Variants in DDB1 observed in about 807,000 individuals in gnomAD.
DDB1 encodes the protein damage specific DNA binding protein 1.
Under a neutral mutation model 133.1 loss-of-function variants are expected in DDB1, and 18 were observed. The ratio of observed to expected loss-of-function variants is 0.14; its 90% CI spans 0.09 to 0.20. The LOEUF (loss-of-function observed/expected upper bound fraction) is 0.20. Ranked by LOEUF, DDB1 falls within the 10% of genes least tolerant of loss-of-function variation. The probability of loss-of-function intolerance (pLI) is 1.00; values close to 1 mark genes in which losing one functional copy is unlikely to be tolerated. For synonymous variants in DDB1, 580 were observed against 550.5 expected, an observed-to-expected ratio of 1.05 and a Z score of -0.75; for missense variants, 828 against 1,459.2, an observed-to-expected ratio of 0.57 and a Z score of 7.05.
chr11:61,324,513 C>G (rs534176782), intron 6 of DDB1: 2 of 189,294 alleles, frequency 1.1e-5, no homozygotes, highest in South Asian at 2.0e-4. Flanking sequence ...TGTGGCAATG[C>G]TACCACAGAT....
chr11:61,314,354 C>A lies in DDB1; in HGVS notation c.1543G>T (p.Ala515Ser). The change falls in exon 13 of 27, where the codon GCC becomes TCC. Residue 515 changes from alanine (A) to serine (S), a missense_variant. Ala to Ser is a moderately conservative substitution (Grantham distance 99). Coordinates refer to ENST00000301764, the MANE Select transcript of DDB1 (RefSeq NM_001923.5). The part of the protein sequence containing the change: ...SSQVVVAVGR[A>S]LYYLQIHPQE... ...GGATGGATCTGCAGATAGTAGAGGG[C>A]CCTGCCTACAGCCACCACCACCTGG... 6.2e-7 allele frequency: 1 copy of A among 1,614,100 alleles called. No homozygotes were observed.
intron 26 of DDB1, 111 bp from the exon 27 acceptor site, chr11:61,300,330 A>G (rs934142183): frequency 3.5e-5 from 40 of 1,154,758 alleles, no homozygotes; most frequent in Non-Finnish European, 4.8e-5. Context: ...TTGTCATGGC[A>G]GAGGAAGGAC....
In DDB1 at chr11:61,329,698, T is replaced by C. The variant is rs999887874; in HGVS notation, c.328-114A>G. 11 of 980,054 alleles carry C rather than the reference T, an allele frequency of 1.1e-5. No individual in the cohort carries two copies. The African/African-American group carries it at 1.8e-4, about 16-fold the overall frequency. 60.7% of individuals were successfully genotyped at this position (980,054 alleles called of 1,614,324 possible). On this transcript the variant is annotated intron_variant, in intron 3 of 26. Transcript: ENST00000301764. ...GGAGAGGTATTAAAACTAATGGATC[T>C]ATTTGATAGGCCAAATAGTTGGAGC...
intron 21 of DDB1, among the ~76,000 whole-genome samples, chr11:61,308,513 T>C (rs548729156): frequency 6.6e-6 from 1 of 152,310 alleles, no homozygotes; most frequent in South Asian, 2.1e-4. Flanking sequence ...TTTGCTGCTA[T>C]CTCCCTACTC....
At chr11:61,311,756 GTCA>G in intron 18 of DDB1, 25 bp downstream of exon 18, 1 of 1,593,900 alleles carries the variant, frequency 6.3e-7, no homozygotes, top group Non-Finnish European at 8.5e-7. Context: ...CTGCTCTAAG[GTCA>G]TCTTTCTTTG....
intron 10 of DDB1, among the ~76,000 whole-genome samples, chr11:61,317,391 C>T (rs1370893424): frequency 6.6e-6 from 1 of 151,778 alleles, no homozygotes; most frequent in African/African-American, 2.4e-5. Context: ...GGATTACAGG[C>T]GTGAGCCACC....
At chr11:61,319,967 T>A (rs1349325427) in intron 10 of DDB1, among the ~76,000 whole-genome samples, 1 of 152,140 alleles carries the variant, frequency 6.6e-6, no homozygotes, top group Non-Finnish European at 1.5e-5. Flanking sequence ...CACAATTTTG[T>A]TAAATGTACT....
intron 23 of DDB1, 44 bp downstream of exon 23, chr11:61,303,002 A>C (rs1590678138): frequency 5.1e-6 from 8 of 1,562,372 alleles, no homozygotes; most frequent in Non-Finnish European, 7.1e-6. Context: ...AGACCAAGGA[A>C]CTCCCAGCCC....
intron 24 of DDB1, 43 bp downstream of exon 24, chr11:61,302,539 A>G: frequency 3.1e-6 from 5 of 1,610,446 alleles, no homozygotes; most frequent in Non-Finnish European, 4.2e-6. Context: ...TGGTATCAGG[A>G]AGGAGGCCTG....
At chr11:61,317,185 C>T (rs78635899) in intron 10 of DDB1, among the ~76,000 whole-genome samples, 14 of 151,932 alleles carry the variant, frequency 9.2e-5, no homozygotes, top group African/African-American at 2.9e-4. Flanking sequence ...CCGATCTCAG[C>T]TCACTGCAAG....
At chr11:61,322,812 T>C (rs980578131) in intron 8 of DDB1, 199 bp downstream of exon 8, 2 of 588,692 alleles carry the variant, frequency 3.4e-6, no homozygotes, top group South Asian at 2.2e-5. Flanking sequence ...ACCTAGCACC[T>C]TGCCTGGCAA....
chr11:61,303,429 CTG>C (rs1855831601), intron 22 of DDB1: 1 of 369,698 alleles, frequency 2.7e-6, no homozygotes, highest in Non-Finnish European at 5.0e-6. Context: ...TGGCTCACGC[CTG>C]TAATCCCAGC....
In DDB1 at chr11:61,300,854, C is replaced by G. The variant is rs767780681; in HGVS notation, c.3294G>C (p.Leu1098=). The change falls in exon 26 of 27, where the codon CTG becomes CTC. Residue 1098 remains leucine, a synonymous_variant. Transcript: ENST00000301764. ...CCTGCATCTTGGGGCGGCTAATATCCAGGAAACTCTCAATCAAGTCACCGT... is the reference window on the plus strand; with the variant it reads ...CCTGCATCTTGGGGCGGCTAATATCGAGGAAACTCTCAATCAAGTCACCGT... ...FIDGDLIESF[L]DISRPKMQEV... 6.2e-7 allele frequency: 1 copy of G among 1,614,174 alleles called. No homozygotes were observed. The highest frequency in any genetic ancestry group is 8.5e-7 in the Non-Finnish European group (1 of 1,180,040).
At chr11:61,331,496 C>A (rs766476927) in intron 2 of DDB1, 47 bp downstream of exon 2, 1 of 1,595,458 alleles carries the variant, frequency 6.3e-7, no homozygotes, top group East Asian at 2.2e-5. Context: ...AAACAACCTA[C>A]GACCAACAGT....
In DDB1 at chr11:61,300,796, CCA is replaced by C; in HGVS notation, c.3339+11_3339+12del. ...GACTTGTCTGGCCCAGGGTTAAACA[CCA>C]CACAGCTCACCTGTAGGTTTGCCAC... On this transcript the variant is annotated intron_variant, in intron 26 of 26. Coordinates refer to ENST00000301764, the MANE Select transcript of DDB1 (RefSeq NM_001923.5). 6.2e-7 allele frequency: 1 copy of C among 1,614,090 alleles called. No homozygotes were observed. The highest frequency in any genetic ancestry group is 1.7e-5 in the Admixed American group (1 of 60,024).
At position 61,332,901 on chromosome 11, in the gene DDB1, G is replaced by T; in HGVS notation, c.61+7C>A. 2.0e-6 allele frequency: 3 copies of T among 1,488,030 alleles called. No homozygotes were observed. The highest frequency in any genetic ancestry group is 2.7e-6 in the Non-Finnish European group (3 of 1,109,908). 92.2% of individuals were successfully genotyped at this position (1,488,030 alleles called of 1,614,324 possible). On this transcript the variant is annotated splice_region_variant and intron_variant, in intron 1 of 26. Transcript: ENST00000301764. ...CTCGCCGGGGTCTCCGGCCCCGGCA[G>T]CCTCACCGGTCACGCAGCCGTTCAC...
At chr11:61,323,181 A>G in intron 7 of DDB1, 87 bp from the exon 8 acceptor site, 1 of 1,051,426 alleles carries the variant, frequency 9.5e-7, no homozygotes, top group South Asian at 1.3e-5. Context: ...ATCTGCTGAG[A>G]AAACTCCCAA....
chr11:61,313,557 C>T lies in DDB1; in HGVS notation c.2011G>A (p.Val671Ile). The stretch of plus-strand genomic sequence containing the variant: ...ATGTAGTTCACTTCCTTGAGGTTGA[C>T]ATTTGAGAAGACCAATTTGTGGTTG... ...SSNHKLVFSN[V>I]NLKEVNYMCP... Residue 671 changes from valine to isoleucine, a missense_variant, in exon 16 of 27, where the codon GTC becomes ATC. Physicochemically the swap from Val to Ile is conservative, Grantham distance 29 (BLOSUM62 3). This residue lies in a region of DDB1 where 396 missense variants were observed against 554.1 expected (regional missense o/e 0.71). Coordinates refer to ENST00000301764, the MANE Select transcript of DDB1 (RefSeq NM_001923.5). 6.2e-7 allele frequency: 1 copy of T among 1,614,160 alleles called. No individual in the cohort carries two copies. Among genetic ancestry groups the T allele is most frequent in the Non-Finnish European group, 8.5e-7 (1 of 1,180,028 alleles).
intron 6 of DDB1, chr11:61,324,378 T>C (rs1363121884): frequency 4.5e-6 from 2 of 441,552 alleles, no homozygotes; most frequent in African/African-American, 2.0e-5. Flanking sequence ...TTTACTGATA[T>C]GTCGTCATTC....
Sources: gnomAD v4.1 joint callset for allele counts (sites outside exome capture counted in the v4.1 genomes callset) on GRCh38, gnomAD v4.1.1 for gene constraint, gnomAD v4.1.1 regional missense constraint, MANE v1.5 for transcripts, NCBI Gene and HGNC (gene_info 2026-07-23, HGNC 2026-07-21) for gene names.